Variants in PTPRM observed in about 807,000 individuals in gnomAD.
PTPRM encodes protein tyrosine phosphatase receptor type M.
A neutral mutation model predicts 186.7 loss-of-function variants in PTPRM; 47 were observed. That is an observed-to-expected ratio of 0.25 (90% CI 0.20 to 0.32). The LOEUF is 0.32. Ranked by LOEUF, PTPRM falls within the 10% of genes least tolerant of loss-of-function variation. PTPRM has a pLI of 1.00. For missense variants in PTPRM, 1,494 were observed against 1,865.0 expected, an observed-to-expected ratio of 0.80 and a Z score of 3.66; for synonymous variants, 668 against 674.9, an observed-to-expected ratio of 0.99 and a Z score of 0.16.
chr18:7,637,486 T>C (rs1181848089), intron 1 of PTPRM, among the ~76,000 whole-genome samples: 1 of 152,228 alleles, frequency 6.6e-6, no homozygotes, highest in Non-Finnish European at 1.5e-5. Flanking sequence ...CCCACTAGCA[T>C]TGGGGCCACC....
At chr18:8,330,042 A>G (rs780529626) in intron 22 of PTPRM, among the ~76,000 whole-genome samples, 4 of 152,076 alleles carry the variant, frequency 2.6e-5, no homozygotes, top group African/African-American at 4.8e-5. Flanking sequence ...GCCTCAAGCA[A>G]TCCTCCTACC....
At chr18:7,910,678 A>G (rs1428726024) in intron 4 of PTPRM, among the ~76,000 whole-genome samples, 1 of 152,176 alleles carries the variant, frequency 6.6e-6, no homozygotes, top group Non-Finnish European at 1.5e-5. Context: ...GAAGTTACAA[A>G]GTTATACTCC....
Position 8,238,651 on chromosome 18 carries a change from GTTTTTTT to G in PTPRM, c.2301-5380_2301-5374del, listed in dbSNP as rs71165776. On this transcript the variant is annotated intron_variant, in intron 14 of 32. Coordinates refer to ENST00000580170, the MANE Select transcript of PTPRM (RefSeq NM_001105244.2). ...TCTGTCTCTTCACACTGTTTTGTGT[GTTTTTTT>G]TTTTTTTTTTTTTTTTTTTTTTTTT... 1.1e-3 allele frequency among the ~76,000 whole-genome samples: 29 copies of G among 25,774 alleles called. 1 individual carries two copies. Among genetic ancestry groups the G allele is most frequent in the African/African-American group, 4.0e-3 (24 of 5,990 alleles). 16.9% of individuals were successfully genotyped at this position (25,774 alleles called of 152,430 possible).
chr18:8,266,420 T>G (rs2094701731), intron 19 of PTPRM, among the ~76,000 whole-genome samples: 1 of 152,116 alleles, frequency 6.6e-6, no homozygotes, highest in African/African-American at 2.4e-5. Context: ...CTAAATGTTT[T>G]GAATTACTTA....
Position 7,804,653 on chromosome 18 carries a change from C to A in PTPRM, c.196+30382C>A, listed in dbSNP as rs534522390. Among the ~76,000 whole-genome samples, 135 of 152,284 alleles carry A rather than the reference C, an allele frequency of 8.9e-4. 1 individual carries two copies. The highest frequency in any genetic ancestry group is 3.2e-3 in the African/African-American group (131 of 41,558). Reference sequence around the variant, plus strand: ...GTTCTGTCAAATTTTCATTTAAAATCAGCACAAAGGCTTTTGGTAATTGAC... The same window carrying A: ...GTTCTGTCAAATTTTCATTTAAAATAAGCACAAAGGCTTTTGGTAATTGAC... On this transcript the variant is annotated intron_variant, in intron 2 of 32. Coordinates refer to ENST00000580170, the MANE Select transcript of PTPRM (RefSeq NM_001105244.2).
chr18:7,813,481 T>C (rs1268513402), intron 2 of PTPRM, among the ~76,000 whole-genome samples: 1 of 152,150 alleles, frequency 6.6e-6, no homozygotes, highest in Non-Finnish European at 1.5e-5. Flanking sequence ...ACGTAAGAAA[T>C]ACTCAAATAT....
At chr18:8,200,365 C>T (rs1460021415) in intron 14 of PTPRM, among the ~76,000 whole-genome samples, 1 of 152,058 alleles carries the variant, frequency 6.6e-6, no homozygotes, top group African/African-American at 2.4e-5. Context: ...GGTGGGGGCA[C>T]GACCCTGCTA....
At chr18:8,271,002 G>A (rs925644767) in intron 19 of PTPRM, among the ~76,000 whole-genome samples, 1 of 152,078 alleles carries the variant, frequency 6.6e-6, no homozygotes, top group Non-Finnish European at 1.5e-5. Flanking sequence ...GATCTTAAAT[G>A]TTCTCACCAC....
intron 4 of PTPRM, among the ~76,000 whole-genome samples, chr18:7,917,783 A>G (rs780474216): frequency 9.2e-5 from 14 of 152,116 alleles, no homozygotes; most frequent in Non-Finnish European, 2.1e-4. Flanking sequence ...TTTATTTCTA[A>G]TAAGTGTATA....
chr18:7,961,327 C>G (rs562833298), intron 7 of PTPRM, among the ~76,000 whole-genome samples: 1 of 152,278 alleles, frequency 6.6e-6, no homozygotes, highest in African/African-American at 2.4e-5. Flanking sequence ...CTTTTTGTCT[C>G]TATGGATTTA....
chr18:8,390,863 G>A (rs2095806900), intron 31 of PTPRM, among the ~76,000 whole-genome samples: 1 of 151,890 alleles, frequency 6.6e-6, no homozygotes. Context: ...GGGAGGCGGA[G>A]CTTGCAGTGA....
chr18:8,380,459 G>T (rs751458141), intron 29 of PTPRM, 32 bp downstream of exon 29: 1 of 1,612,820 alleles, frequency 6.2e-7, no homozygotes, highest in South Asian at 1.1e-5. Context: ...GTCAGAACTA[G>T]TGCCAGGGGG....
chr18:8,010,965 G>A (rs1181555332), intron 7 of PTPRM, among the ~76,000 whole-genome samples: 1 of 152,196 alleles, frequency 6.6e-6, no homozygotes, highest in African/African-American at 2.4e-5. Context: ...CTCCTTGAAT[G>A]TGGTGTAAAA....
intron 14 of PTPRM, among the ~76,000 whole-genome samples, chr18:8,208,180 C>T (rs987005621): frequency 2.0e-5 from 3 of 152,194 alleles, no homozygotes; most frequent in African/African-American, 7.2e-5. Flanking sequence ...TGTGCAGCCA[C>T]GCCACTTGTA....
intron 14 of PTPRM, among the ~76,000 whole-genome samples, chr18:8,185,093 A>G (rs944252559): frequency 1.3e-5 from 2 of 152,204 alleles, no homozygotes; most frequent in African/African-American, 4.8e-5. Context: ...ATGAGTAGAC[A>G]ATGGTATATT....
chr18:8,258,500 G>C (rs1182193158), intron 19 of PTPRM, among the ~76,000 whole-genome samples: 9 of 152,258 alleles, frequency 5.9e-5, no homozygotes, highest in Middle Eastern at 3.4e-3. Flanking sequence ...TGGTGATCCT[G>C]TGCGAGTGGA....
At chr18:7,818,028 C>G (rs1024498041) in intron 2 of PTPRM, among the ~76,000 whole-genome samples, 1 of 152,136 alleles carries the variant, frequency 6.6e-6, no homozygotes, top group African/African-American at 2.4e-5. Context: ...TCAGGGCAGC[C>G]TAGGGATTTT....
chr18:7,631,920 T>G (rs1229335236), intron 1 of PTPRM, among the ~76,000 whole-genome samples: 1 of 152,238 alleles, frequency 6.6e-6, no homozygotes, highest in Non-Finnish European at 1.5e-5. Context: ...TTATGAAATT[T>G]GATTGTCAAT....
chr18:8,300,272 G>A (rs1199220310), intron 20 of PTPRM, among the ~76,000 whole-genome samples: 1 of 152,152 alleles, frequency 6.6e-6, no homozygotes, highest in Non-Finnish European at 1.5e-5. Flanking sequence ...CGTAGGGTTT[G>A]GAGATAGGAG....
Sources: gnomAD v4.1 joint callset for allele counts (sites outside exome capture counted in the v4.1 genomes callset) on GRCh38, gnomAD v4.1.1 for gene constraint, MANE v1.5 for transcripts, NCBI Gene and HGNC (gene_info 2026-07-23, HGNC 2026-07-21) for gene names.